Variants in KCND3 observed in about 807,000 individuals in gnomAD.
KCND3 encodes the protein A-type voltage-gated potassium channel KCND3.
In KCND3, 9 loss-of-function variants were observed where a neutral mutation model predicts 51.1. That is an observed-to-expected ratio of 0.18 (90% CI 0.11 to 0.31). The LOEUF is 0.31. KCND3 is among the 10% of genes least tolerant of loss of function. The pLI is 1.00. For synonymous variants in KCND3, 349 were observed against 368.0 expected, an observed-to-expected ratio of 0.95 and a Z score of 0.59; for missense variants, 526 against 903.8, an observed-to-expected ratio of 0.58 and a Z score of 5.36.
intron 2 of KCND3, among the ~76,000 whole-genome samples, chr1:111,847,164 C>T (rs556594106): frequency 2.0e-5 from 3 of 152,304 alleles, no homozygotes; most frequent in African/African-American, 7.2e-5. Context: ...AACCGAGAGG[C>T]GGGAAGATGC....
chr1:111,846,605 C>G (rs1490625425), intron 2 of KCND3, among the ~76,000 whole-genome samples: 1 of 152,196 alleles, frequency 6.6e-6, no homozygotes. Flanking sequence ...CTTCATGCTT[C>G]CCCTTCCTCA....
intron 2 of KCND3, among the ~76,000 whole-genome samples, chr1:111,967,962 A>G (rs1674098327): frequency 6.6e-6 from 1 of 152,230 alleles, no homozygotes; most frequent in African/African-American, 2.4e-5. Context: ...CAAAGGATTC[A>G]GGCAACCTAT....
chr1:111,948,449 G>C (rs560049345), intron 2 of KCND3, among the ~76,000 whole-genome samples: 96 of 152,224 alleles, frequency 6.3e-4, no homozygotes, highest in Admixed American at 1.6e-3. Flanking sequence ...TCAGGACTCT[G>C]GCCCACACTT....
chr1:111,804,410 T>C (rs955411035), intron 2 of KCND3, among the ~76,000 whole-genome samples: 41 of 152,236 alleles, frequency 2.7e-4, no homozygotes, highest in Admixed American at 4.6e-4. Flanking sequence ...TTATGTTTGC[T>C]CTGAACCCTC....
chr1:111,775,863 G>A lies in KCND3; in HGVS notation c.*214C>T. Reference sequence around the variant, plus strand: ...CTTCCTCTGGCCCCAGTGAGATGCAGTATCACAGGGCTATGTCCACGCTAG... The same window carrying A: ...CTTCCTCTGGCCCCAGTGAGATGCAATATCACAGGGCTATGTCCACGCTAG... On this transcript the variant is annotated 3_prime_UTR_variant, in exon 8 of 8. Transcript: ENST00000302127. 2.5e-6 allele frequency: 1 copy of A among 392,954 alleles called. No individual in the cohort carries two copies. Among genetic ancestry groups the A allele is most frequent in the East Asian group, 4.9e-5 (1 of 20,346 alleles). The allele number at this position is 392,954 out of a possible 1,614,324, so 24.3% of individuals were successfully genotyped here. A position where few individuals can be genotyped will look rare whatever the true frequency, so the allele number is the denominator to read the frequency against.
intron 2 of KCND3, among the ~76,000 whole-genome samples, chr1:111,866,289 C>G (rs1417587827): frequency 9.1e-6 from 1 of 109,380 alleles, no homozygotes; most frequent in Non-Finnish European, 1.7e-5. Context: ...TTGACAAGGT[C>G]TGGCTCTGTT....
chr1:111,893,844 G>GGGATA (rs1669970495), intron 2 of KCND3, among the ~76,000 whole-genome samples: 1 of 152,186 alleles, frequency 6.6e-6, no homozygotes, highest in Admixed American at 6.5e-5. Context: ...CAGATTTGGG[G>GGGATA]AGATAAGAAC....
At chr1:111,917,765 A>G (rs1225301854) in intron 2 of KCND3, among the ~76,000 whole-genome samples, 1 of 152,202 alleles carries the variant, frequency 6.6e-6, no homozygotes, top group Non-Finnish European at 1.5e-5. Flanking sequence ...GACCTGTGCA[A>G]TACCAGGAGT....
At chr1:111,872,611 T>C (rs1352008618) in intron 2 of KCND3, among the ~76,000 whole-genome samples, 3 of 150,682 alleles carry the variant, frequency 2.0e-5, no homozygotes, top group African/African-American at 7.4e-5. Flanking sequence ...TGTTTTTTTA[T>C]GGAAGGAGAG....
Position 111,982,906 on chromosome 1 carries a change from A to G in KCND3, c.-72-108T>C. On this transcript the variant is annotated intron_variant, in intron 1 of 7. Transcript: ENST00000302127. This position sits in a 1 kb window ranked among gnomAD's most constrained non-coding sequence, Gnocchi z 8.5. ...GGTGAGTGAAACGGCCAAAGTCTCC[A>G]GGGCAGATTAATAAAACTGAAATCC... 6.2e-6 allele frequency: 5 copies of G among 807,110 alleles called. No homozygotes were observed. Among genetic ancestry groups the G allele is most frequent in the Non-Finnish European group, 9.8e-6 (5 of 510,058 alleles). 50.0% of individuals were successfully genotyped at this position (807,110 alleles called of 1,614,324 possible).
chr1:111,894,318 GC>G (rs1669995007), intron 2 of KCND3, among the ~76,000 whole-genome samples: 1 of 152,074 alleles, frequency 6.6e-6, no homozygotes, highest in South Asian at 2.1e-4. Flanking sequence ...CTTTTCCTGG[GC>G]CTTTGTGGAG....
intron 2 of KCND3, among the ~76,000 whole-genome samples, chr1:111,878,024 T>C (rs532982657): frequency 6.6e-6 from 1 of 152,192 alleles, no homozygotes; most frequent in Admixed American, 6.5e-5. Context: ...TTTTTCCAAA[T>C]GAGGAAGTTG....
chr1:111,849,612 C>T (rs760932651), intron 2 of KCND3, among the ~76,000 whole-genome samples: 8 of 152,222 alleles, frequency 5.3e-5, no homozygotes, highest in Non-Finnish European at 1.2e-4. Context: ...GGTAGCAGCT[C>T]GGCTTCAAGG....
At chr1:111,822,720 T>A (rs1666405282) in intron 2 of KCND3, among the ~76,000 whole-genome samples, 1 of 152,250 alleles carries the variant, frequency 6.6e-6, no homozygotes, top group Non-Finnish European at 1.5e-5. Flanking sequence ...TCAATTCTTT[T>A]GGGTGTGTAT....
At chr1:111,963,688 G>C (rs1431014697) in intron 2 of KCND3, among the ~76,000 whole-genome samples, 1 of 152,354 alleles carries the variant, frequency 6.6e-6, no homozygotes, top group Middle Eastern at 3.4e-3. Flanking sequence ...CTGATGTGAG[G>C]AAGTGAACTG....
intron 2 of KCND3, among the ~76,000 whole-genome samples, chr1:111,881,293 C>T (rs1404832254): frequency 6.6e-6 from 1 of 152,210 alleles, no homozygotes; most frequent in Non-Finnish European, 1.5e-5. Flanking sequence ...TGAGCACAGG[C>T]GTGAGCTCCT....
rs771893914 is a variant in KCND3, at chr1:111,780,698, C to T, written c.1363G>A (p.Glu455Lys). ...GTCCTCTAGGCACCTACCGTCAGCTCCAGCGCCTCGTTGAGGAGCCCGTTG... is the reference window on the plus strand; with the variant it reads ...GTCCTCTAGGCACCTACCGTCAGCTTCAGCGCCTCGTTGAGGAGCCCGTTG... The part of the protein sequence containing the change: ...KRNGLLNEAL[E>K]LTGTPEEEHM... Residue 455 changes from glutamate (E) to lysine (K), a missense_variant, in exon 4 of 8, where the codon GAG becomes AAG. Around this residue, in one of 5 missense-constraint regions of KCND3, gnomAD observed 266 missense variants for 305.5 expected, o/e 0.87. Transcript: ENST00000302127. This position sits in a 1 kb window ranked among gnomAD's most constrained non-coding sequence, Gnocchi z 4.2. The T allele has an allele frequency of 1.2e-5, 19 of 1,609,772 alleles. No homozygotes were observed. Among genetic ancestry groups the T allele is most frequent in the Non-Finnish European group, 1.6e-5 (19 of 1,178,100 alleles).
intron 2 of KCND3, among the ~76,000 whole-genome samples, chr1:111,812,570 C>A (rs528255996): frequency 6.6e-6 from 1 of 152,246 alleles, no homozygotes; most frequent in Non-Finnish European, 1.5e-5. Flanking sequence ...ACTTTCTTCA[C>A]GTGGACCTTT....
At position 111,787,659 on chromosome 1, in the gene KCND3, G is replaced by A. The variant is rs561145929; in HGVS notation, c.1107-553C>T. 7.9e-5 allele frequency among the ~76,000 whole-genome samples: 12 copies of A among 152,262 alleles called. No individual in the cohort carries two copies. In the South Asian group the frequency reaches 2.5e-3, roughly 32 times the overall value. On this transcript the variant is annotated intron_variant, in intron 2 of 7. Transcript: ENST00000302127. Reference sequence around the variant, plus strand: ...GCAGCGTCTGACGGGCCATGGGGAGGAATATGGGTTTATCCCATTCAGTGA... The same window carrying A: ...GCAGCGTCTGACGGGCCATGGGGAGAAATATGGGTTTATCCCATTCAGTGA...
Sources: allele counts gnomAD v4.1 joint callset (sites outside exome capture counted in the v4.1 genomes callset), GRCh38; gene constraint gnomAD v4.1.1; regional missense constraint gnomAD v4.1.1; non-coding constraint Gnocchi (gnomAD v3.1); transcripts MANE v1.5; gene names NCBI Gene and HGNC (gene_info 2026-07-23, HGNC 2026-07-21).